The following CSMD1 variants were observed in gnomAD, a reference collection of about 807,000 sequenced individuals.
The protein encoded by CSMD1 is CUB and Sushi multiple domains 1.
In CSMD1, 213 loss-of-function variants were observed where a neutral mutation model predicts 417.5. The ratio of observed to expected loss-of-function variants is 0.51; its 90% confidence interval spans 0.46 to 0.57. The LOEUF (loss-of-function observed/expected upper bound fraction) is 0.57, where lower values mean the gene tolerates loss of function less well. CSMD1 is among the 20% of genes least tolerant of loss of function. The pLI is 0.00. For missense variants in CSMD1, 6,923 were observed against 4,529.7 expected (o/e 1.53, Z -15.17); for synonymous variants, 2,862 against 1,736.8 (o/e 1.65, Z -16.11).
chr8:3,378,700 C>G (rs1468133595), intron 18 of CSMD1, among the ~76,000 whole-genome samples: 4 of 152,152 alleles, frequency 2.6e-5, no homozygotes, highest in Admixed American at 1.3e-4. Context: ...CTTCAACACC[C>G]CTTCATGCTA....
chr8:4,515,562 T>A (rs1183136500), intron 2 of CSMD1, among the ~76,000 whole-genome samples: 1 of 152,208 alleles, frequency 6.6e-6, no homozygotes, highest in Non-Finnish European at 1.5e-5. Flanking sequence ...ATAAACCCAG[T>A]TAAATTCAAG....
At chr8:3,366,696 TA>T (rs1809589808) in intron 20 of CSMD1, among the ~76,000 whole-genome samples, 1 of 152,096 alleles carries the variant, frequency 6.6e-6, no homozygotes, top group Non-Finnish European at 1.5e-5. Context: ...TGCCTCCCAA[TA>T]AAGGAACTTT....
At chr8:4,409,999 A>T (rs1275354901) in intron 3 of CSMD1, among the ~76,000 whole-genome samples, 1 of 152,060 alleles carries the variant, frequency 6.6e-6, no homozygotes, top group Non-Finnish European at 1.5e-5. Flanking sequence ...TTTTTAGTAG[A>T]GATGGGATTT....
At chr8:4,316,264 T>A (rs1235013458) in intron 3 of CSMD1, among the ~76,000 whole-genome samples, 2 of 152,170 alleles carry the variant, frequency 1.3e-5, no homozygotes, top group Non-Finnish European at 2.9e-5. Context: ...CATCCTCGAA[T>A]CTGAATTTGT....
intron 3 of CSMD1, among the ~76,000 whole-genome samples, chr8:4,126,063 T>A (rs931898395): frequency 9.9e-5 from 15 of 151,706 alleles, no homozygotes; most frequent in Admixed American, 7.2e-4. Context: ...CCCGACCAGT[T>A]TTGCCATTGC....
intron 1 of CSMD1, among the ~76,000 whole-genome samples, chr8:4,780,410 A>G (rs577887797): frequency 8.1e-5 from 12 of 147,946 alleles, no homozygotes; most frequent in Non-Finnish European, 1.8e-4. Context: ...CTGATTGATC[A>G]GTCGATCTGT....
intron 68 of CSMD1, among the ~76,000 whole-genome samples, chr8:2,948,878 A>C (rs745843472): frequency 3.3e-5 from 5 of 152,042 alleles, no homozygotes; most frequent in Non-Finnish European, 7.4e-5. Flanking sequence ...GATAACTAAA[A>C]ATAATCATCT....
chr8:3,432,455 A>G (rs1222070810), intron 12 of CSMD1, among the ~76,000 whole-genome samples: 1 of 151,958 alleles, frequency 6.6e-6, no homozygotes, highest in Admixed American at 6.6e-5. Flanking sequence ...AATTTTTAGA[A>G]AAGTTGTTAC....
chr8:4,401,378 G>C (rs1039732655), intron 3 of CSMD1, among the ~76,000 whole-genome samples: 1 of 152,098 alleles, frequency 6.6e-6, no homozygotes, highest in Non-Finnish European at 1.5e-5. Flanking sequence ...TCACCAAAGA[G>C]GTGTATCAGA....
intron 8 of CSMD1, among the ~76,000 whole-genome samples, chr8:3,609,793 T>C (rs1227898994): frequency 1.5e-4 from 22 of 149,524 alleles, no homozygotes; most frequent in Non-Finnish European, 1.5e-5. Context: ...AAGAAAAGAC[T>C]GTTAAAAAGT....
chr8:4,030,578 C>G (rs983115480), intron 4 of CSMD1, among the ~76,000 whole-genome samples: 1 of 152,144 alleles, frequency 6.6e-6, no homozygotes, highest in Admixed American at 6.5e-5. Flanking sequence ...CTTTTATTCT[C>G]CTAGACCTCC....
chr8:4,173,901 C>T lies in CSMD1; in HGVS notation c.416-141802G>A, dbSNP rs551893340. On this transcript the variant is annotated intron_variant, in intron 3 of 69. Coordinates refer to ENST00000635120, the MANE Select transcript of CSMD1 (RefSeq NM_033225.6). ...GAAGTGGCAGCTGAAGTTCTGGGCT[C>T]AGTACACATGGCTCAGGGTATGAAC... Among the ~76,000 whole-genome samples the T allele has an allele frequency of 8.3e-4, 127 of 152,214 alleles. 1 individual carries two copies. The highest frequency in any genetic ancestry group is 2.9e-3 in the African/African-American group (121 of 41,502).
At chr8:3,919,995 T>G (rs1036357991) in intron 5 of CSMD1, among the ~76,000 whole-genome samples, 7 of 151,998 alleles carry the variant, frequency 4.6e-5, no homozygotes, top group African/African-American at 7.3e-5. Flanking sequence ...ATACCAAATT[T>G]TTTTTTACTT....
At chr8:3,177,668 G>T (rs926915516) in intron 37 of CSMD1, among the ~76,000 whole-genome samples, 2 of 151,894 alleles carry the variant, frequency 1.3e-5, no homozygotes, top group African/African-American at 4.8e-5. Context: ...AAACAGATGG[G>T]GTAAATAGAA....
chr8:3,733,991 T>C (rs1050400129), intron 6 of CSMD1, among the ~76,000 whole-genome samples: 44 of 152,108 alleles, frequency 2.9e-4, no homozygotes, highest in African/African-American at 1.1e-3. Flanking sequence ...GGGATGTCTG[T>C]ACGTGTGCAA....
At chr8:4,572,567 A>C (rs945705700) in intron 2 of CSMD1, among the ~76,000 whole-genome samples, 1 of 151,898 alleles carries the variant, frequency 6.6e-6, no homozygotes, top group Non-Finnish European at 1.5e-5. Flanking sequence ...CTGTGTTTCA[A>C]CCTTGGTGAA....
Position 3,409,742 on chromosome 8 carries a change from T to C in CSMD1, c.1562-137A>G, listed in dbSNP as rs141035236. On this transcript the variant is annotated intron_variant, in intron 12 of 69. Transcript: ENST00000635120. ...TTTTGTAAAGTGTTTCTAAAGGATA[T>C]TCAATTGATCTTAAATTTAATTTCA... The C allele has an allele frequency of 5.4e-3, 3,382 of 629,842 alleles. 81 individuals are homozygous for C. The African/African-American group carries it at 0.054, about 10-fold the overall frequency. The allele number at this position is 629,842 out of a possible 1,614,324, so 39.0% of individuals were successfully genotyped here.
At chr8:3,480,340 G>A (rs1309128860) in intron 11 of CSMD1, among the ~76,000 whole-genome samples, 1 of 151,994 alleles carries the variant, frequency 6.6e-6, no homozygotes, top group African/African-American at 2.4e-5. Context: ...CCAGCCCCCT[G>A]GAGCAATGGA....
At chr8:3,898,337 T>C (rs184634293) in intron 5 of CSMD1, among the ~76,000 whole-genome samples, 2 of 149,846 alleles carry the variant, frequency 1.3e-5, no homozygotes, top group African/African-American at 2.4e-5. Flanking sequence ...ATGTGAGCTA[T>C]GTGTGTAGTA....
Sources: gnomAD v4.1 joint callset for allele counts (sites outside exome capture counted in the v4.1 genomes callset) on GRCh38, gnomAD v4.1.1 for gene constraint, MANE v1.5 for transcripts, NCBI Gene and HGNC (gene_info 2026-07-23, HGNC 2026-07-21) for gene names.